The following RGS7 variants were observed in gnomAD, a reference collection of about 807,000 sequenced individuals.
RGS7 encodes regulator of G-protein signaling 7.
In RGS7, 27 loss-of-function variants were observed where a neutral mutation model predicts 81.1. The ratio of observed to expected loss-of-function variants is 0.33; its 90% CI spans 0.25 to 0.46. The LOEUF (loss-of-function observed/expected upper bound fraction) is 0.46. Ranked by LOEUF, RGS7 falls within the 20% of genes least tolerant of loss-of-function variation. The probability of loss-of-function intolerance (pLI) is 1.00; values close to 1 mark genes in which losing one functional copy is unlikely to be tolerated. For synonymous variants in RGS7, 208 were observed against 207.7 expected (o/e 1.00, Z -0.01); for missense variants, 396 against 607.4 (o/e 0.65, Z 3.66).
intron 6 of RGS7, among the ~76,000 whole-genome samples, chr1:240,871,788 A>G (rs1664535479): frequency 6.6e-6 from 1 of 152,220 alleles, no homozygotes; most frequent in Admixed American, 6.5e-5. Flanking sequence ...CATGAGAGAA[A>G]GATCAAATTT....
In RGS7 at chr1:241,312,649, G is replaced by A. The variant is rs189493723; in HGVS notation, c.78+43050C>T. ...GTTCTGACTGCTCCACCAACCAGCCGTTGCCCTGTGTCTCTCCCACTCCTC... is the reference window on the plus strand; with the variant it reads ...GTTCTGACTGCTCCACCAACCAGCCATTGCCCTGTGTCTCTCCCACTCCTC... On this transcript the variant is annotated intron_variant, in intron 2 of 18. Coordinates refer to ENST00000440928, the MANE Select transcript of RGS7 (RefSeq NM_001364886.1). 2.7e-3 allele frequency among the ~76,000 whole-genome samples: 410 copies of A among 152,096 alleles called. 6 individuals are homozygous for A. The highest frequency in any genetic ancestry group is 8.9e-3 in the African/African-American group (371 of 41,456).
At chr1:240,832,077 A>G (rs552931836) in intron 9 of RGS7, among the ~76,000 whole-genome samples, 148 of 152,296 alleles carry the variant, frequency 9.7e-4, no homozygotes, top group Non-Finnish European at 1.5e-3. Flanking sequence ...AAAGTCAATC[A>G]TCTTTTTGAT....
intron 9 of RGS7, among the ~76,000 whole-genome samples, chr1:240,850,741 T>C (rs1659952511): frequency 6.6e-6 from 1 of 152,214 alleles, no homozygotes; most frequent in Non-Finnish European, 1.5e-5. Flanking sequence ...TGAAAAGTGC[T>C]ACTCTAGTGA....
At chr1:240,965,951 C>T (rs1307828768) in intron 4 of RGS7, among the ~76,000 whole-genome samples, 1 of 152,108 alleles carries the variant, frequency 6.6e-6, no homozygotes, top group Non-Finnish European at 1.5e-5. Context: ...CACGAAAAGG[C>T]AAGGCAGTGG....
intron 9 of RGS7, among the ~76,000 whole-genome samples, chr1:240,861,790 A>G (rs1662247792): frequency 6.6e-6 from 1 of 151,856 alleles, no homozygotes; most frequent in South Asian, 2.1e-4. Flanking sequence ...CCATCCATTC[A>G]CCTCTTAACT....
chr1:241,106,716 C>CAA (rs757488665), intron 2 of RGS7, among the ~76,000 whole-genome samples: 16 of 34,028 alleles, frequency 4.7e-4, no homozygotes, highest in African/African-American at 1.2e-3. Flanking sequence ...ACTCCGTCTC[C>CAA]AAAAAAAAAA....
intron 3 of RGS7, among the ~76,000 whole-genome samples, chr1:241,066,665 T>C (rs1320610850): frequency 6.6e-6 from 1 of 152,192 alleles, no homozygotes; most frequent in Non-Finnish European, 1.5e-5. Context: ...CCTCAAATTA[T>C]AATCACCGTC....
intron 9 of RGS7, among the ~76,000 whole-genome samples, chr1:240,852,740 A>G (rs192608050): frequency 6.6e-6 from 1 of 152,144 alleles, no homozygotes; most frequent in Admixed American, 6.5e-5. Context: ...TCCTCTCACA[A>G]TCAAAGGTAA....
chr1:241,126,724 G>A (rs1037103383), intron 2 of RGS7, among the ~76,000 whole-genome samples: 11 of 151,992 alleles, frequency 7.2e-5, no homozygotes, highest in East Asian at 3.9e-4. Context: ...GAAAGTGCCC[G>A]GTACAGAGAA....
chr1:240,830,531 A>C (rs1270154682), intron 9 of RGS7, among the ~76,000 whole-genome samples: 1 of 152,234 alleles, frequency 6.6e-6, no homozygotes, highest in South Asian at 2.1e-4. Context: ...ATAGCAGCAG[A>C]GAAAGGCCGA....
At chr1:240,908,518 G>A (rs956348089) in intron 6 of RGS7, among the ~76,000 whole-genome samples, 2 of 152,078 alleles carry the variant, frequency 1.3e-5, no homozygotes, top group Admixed American at 6.5e-5. Context: ...TCCTATAGTT[G>A]TTAAGCCTAC....
At chr1:241,037,292 C>G (rs937331649) in intron 3 of RGS7, among the ~76,000 whole-genome samples, 1 of 152,064 alleles carries the variant, frequency 6.6e-6, no homozygotes, top group African/African-American at 2.4e-5. Context: ...CATGTATTGA[C>G]CAACTAAATC....
intron 3 of RGS7, among the ~76,000 whole-genome samples, chr1:241,000,811 C>T (rs569812090): frequency 2.7e-3 from 235 of 87,688 alleles, no homozygotes; most frequent in Admixed American, 8.3e-3. Flanking sequence ...CCACACCCAG[C>T]TAATTTTTTT....
At chr1:241,262,377 A>C (rs2077381693) in intron 2 of RGS7, among the ~76,000 whole-genome samples, 1 of 152,220 alleles carries the variant, frequency 6.6e-6, no homozygotes, top group Non-Finnish European at 1.5e-5. Flanking sequence ...CAAGTAAAGG[A>C]ATATTTCATC....
intron 2 of RGS7, among the ~76,000 whole-genome samples, chr1:241,259,692 A>G (rs1420871669): frequency 1.5e-5 from 2 of 136,760 alleles, no homozygotes; most frequent in South Asian, 4.7e-4. Context: ...ATATAATTAA[A>G]ATACCAATCT....
At chr1:241,356,757 C>A (rs1424540272) in intron 1 of RGS7, 142 bp downstream of exon 1, 2 of 149,356 alleles carry the variant, frequency 1.3e-5, no homozygotes, top group African/African-American at 4.9e-5. Context: ...GCCCGTAGCC[C>A]AGCCCCGGCG....
At chr1:240,973,768 A>G (rs1459322068) in intron 4 of RGS7, among the ~76,000 whole-genome samples, 5 of 151,078 alleles carry the variant, frequency 3.3e-5, no homozygotes, top group African/African-American at 1.2e-4. Flanking sequence ...TTTTTTTTCT[A>G]TTTTCAGTAG....
chr1:240,936,716 G>A lies in RGS7; in HGVS notation c.227-10C>T. 3 of 1,595,924 alleles carry A rather than the reference G, an allele frequency of 1.9e-6. No homozygotes were observed. The highest frequency in any genetic ancestry group is 2.6e-6 in the Non-Finnish European group (3 of 1,163,540). On this transcript the variant is annotated splice_polypyrimidine_tract_variant and intron_variant, in intron 4 of 18. Coordinates refer to ENST00000440928, the MANE Select transcript of RGS7 (RefSeq NM_001364886.1). ...AAATGGAGCGCCTCCACTGTTTTAT[G>A]AAAACAAACAAAGAACATAAAAAAG...
At chr1:240,882,969 C>T (rs902168338) in intron 6 of RGS7, among the ~76,000 whole-genome samples, 3 of 152,176 alleles carry the variant, frequency 2.0e-5, no homozygotes, top group Non-Finnish European at 4.4e-5. Flanking sequence ...TCAATTCCCA[C>T]CTATGAGTGA....
Sources: allele counts gnomAD v4.1 joint callset (sites outside exome capture counted in the v4.1 genomes callset), GRCh38; gene constraint gnomAD v4.1.1; transcripts MANE v1.5; gene names NCBI Gene and HGNC (gene_info 2026-07-23, HGNC 2026-07-21).